Variants in CUBN observed in about 807,000 individuals in gnomAD.
CUBN encodes cubilin.
CUBN carries 282 observed loss-of-function variants against 405.3 expected under a neutral mutation model. The observed-to-expected ratio is 0.70, with a 90% CI of 0.63 to 0.77. The LOEUF is 0.77. Ranked by LOEUF, CUBN falls within the 30% of genes least tolerant of loss-of-function variation. The pLI is 0.00. For synonymous variants in CUBN, 1,684 were observed against 1,617.0 expected (o/e 1.04, Z -0.99); for missense variants, 4,514 against 4,475.2 (o/e 1.01, Z -0.25).
At chr10:17,083,516 A>AATAAATAAATAAATAAATACATACATAC (rs59957943) in intron 17 of CUBN, among the ~76,000 whole-genome samples, 54 of 142,626 alleles carry the variant, frequency 3.8e-4, no homozygotes, top group African/African-American at 1.3e-3. Flanking sequence ...AAAATAAATA[A>AATAAATAAATAAATAAATACATACATAC]ATACATACAT....
chr10:16,949,613 C>G (rs1360703730), intron 34 of CUBN, among the ~76,000 whole-genome samples: 1 of 149,098 alleles, frequency 6.7e-6, no homozygotes, highest in Non-Finnish European at 1.5e-5. Flanking sequence ...CTTTTTTTTT[C>G]GCTTCCACTA....
intron 15 of CUBN, 118 bp from the exon 16 acceptor site, chr10:17,085,877 C>T (rs1288990595): frequency 3.3e-5 from 31 of 929,282 alleles, no homozygotes; most frequent in Non-Finnish European, 5.0e-5. Flanking sequence ...AAGGAAGTTT[C>T]CCCATCACAT....
intron 66 of CUBN, 97 bp from the exon 67 acceptor site, chr10:16,825,179 CTT>C: frequency 2.5e-6 from 2 of 811,912 alleles, no homozygotes; most frequent in Non-Finnish European, 4.1e-6. Context: ...CATAAAGAAA[CTT>C]TATAGAATTT....
At chr10:16,866,276 A>G (rs570373796) in intron 59 of CUBN, among the ~76,000 whole-genome samples, 4 of 152,296 alleles carry the variant, frequency 2.6e-5, no homozygotes, top group African/African-American at 9.6e-5. Context: ...TTTGATGTGT[A>G]GTGTGACATG....
chr10:17,037,460 A>G (rs1025813978), intron 27 of CUBN, among the ~76,000 whole-genome samples: 1 of 152,256 alleles, frequency 6.6e-6, no homozygotes, highest in Non-Finnish European at 1.5e-5. Flanking sequence ...GAGATTATAA[A>G]TCTTGATATA....
rs148313915 is a variant in CUBN, at chr10:17,100,051, T to A, written c.1719A>T (p.Leu573Phe). 2.9e-5 allele frequency: 46 copies of A among 1,613,844 alleles called. No individual in the cohort carries two copies. The highest frequency in any genetic ancestry group is 8.5e-6 in the Non-Finnish European group (10 of 1,179,898). The change falls in exon 14 of 67, where the codon TTA becomes TTT. Residue 573 changes from leucine (L) to phenylalanine (F), a missense_variant. Physicochemically the swap from Leu to Phe is conservative, Grantham distance 22. Transcript: ENST00000377833. ...TTACTGTAAAGCCTCTCCCATTTCT[T>A]AAATGTTCAGAATAGAGATGAAAAT... Reference protein sequence around the residue: ...ALYFHLYSEHLRNGRGFTVRW... With the variant: ...ALYFHLYSEHFRNGRGFTVRW...
At chr10:17,087,278 A>G (rs1836131130) in intron 15 of CUBN, among the ~76,000 whole-genome samples, 1 of 152,114 alleles carries the variant, frequency 6.6e-6, no homozygotes, top group Non-Finnish European at 1.5e-5. Flanking sequence ...ACAAATGAAG[A>G]GCAACACTTT....
intron 41 of CUBN, 23 bp from the exon 42 acceptor site, chr10:16,925,797 C>G: frequency 6.2e-7 from 1 of 1,611,044 alleles, no homozygotes. Context: ...AAACAAAGGT[C>G]GGTTATTTAA....
At chr10:16,939,961 A>G in intron 37 of CUBN, 71 bp downstream of exon 37, 5 of 1,243,766 alleles carry the variant, frequency 4.0e-6, no homozygotes, top group South Asian at 2.4e-5. Flanking sequence ...TTAATATATT[A>G]CTGAGAAAAT....
chr10:16,968,875 T>C (rs1005119363), intron 31 of CUBN, among the ~76,000 whole-genome samples: 1 of 152,214 alleles, frequency 6.6e-6, no homozygotes, highest in Non-Finnish European at 1.5e-5. Context: ...TGATGTGTCA[T>C]TGAGGAGAGC....
At chr10:17,007,797 G>C (rs182708995) in intron 28 of CUBN, among the ~76,000 whole-genome samples, 3 of 152,198 alleles carry the variant, frequency 2.0e-5, no homozygotes, top group East Asian at 3.9e-4. Flanking sequence ...TTGCGGGGCT[G>C]TGCAAGGAGA....
At chr10:17,097,255 C>T (rs4747298) in intron 14 of CUBN, among the ~76,000 whole-genome samples, 90,259 of 151,758 alleles carry the variant, frequency 0.59, 28,656 homozygotes, top group Non-Finnish European at 0.72. Context: ...TGAAAAGAGA[C>T]GACATCACTA....
intron 22 of CUBN, among the ~76,000 whole-genome samples, chr10:17,060,294 T>C (rs1004565648): frequency 6.6e-6 from 1 of 151,860 alleles, no homozygotes; most frequent in Non-Finnish European, 1.5e-5. Flanking sequence ...GCTAATTTTG[T>C]ATTTTTAGTA....
chr10:17,045,266 G>A, intron 24 of CUBN, 78 bp from the exon 25 acceptor site: 1 of 1,366,648 alleles, frequency 7.3e-7, no homozygotes, highest in Non-Finnish European at 1.0e-6. Context: ...CATTAAACTG[G>A]TGCCATTCTA....
chr10:16,850,600 C>T (rs1839657306), intron 60 of CUBN, among the ~76,000 whole-genome samples: 1 of 152,056 alleles, frequency 6.6e-6, no homozygotes, highest in Admixed American at 6.6e-5. Context: ...GCCTCTGGAG[C>T]AGCTGGGACT....
At chr10:17,086,686 G>A (rs918678830) in intron 15 of CUBN, among the ~76,000 whole-genome samples, 2 of 152,056 alleles carry the variant, frequency 1.3e-5, no homozygotes, top group African/African-American at 4.8e-5. Flanking sequence ...CCACCGAGGA[G>A]TCAATGAACT....
intron 59 of CUBN, among the ~76,000 whole-genome samples, chr10:16,852,440 CCTCT>C (rs1285324040): frequency 2.0e-5 from 3 of 148,460 alleles, no homozygotes; most frequent in Non-Finnish European, 3.0e-5. Context: ...TCCATCCCTC[CCTCT>C]ATCTTTCCCT....
chr10:16,931,649 G>T (rs1463285590), intron 40 of CUBN, among the ~76,000 whole-genome samples: 1 of 152,126 alleles, frequency 6.6e-6, no homozygotes, highest in African/African-American at 2.4e-5. Flanking sequence ...TTGCTAAAAA[G>T]ATTTCATTTA....
At chr10:16,988,465 T>A (rs752765553) in intron 29 of CUBN, among the ~76,000 whole-genome samples, 1 of 152,184 alleles carries the variant, frequency 6.6e-6, no homozygotes, top group Non-Finnish European at 1.5e-5. Flanking sequence ...TCTGATTTCA[T>A]TTACAATTAC....
Sources: allele counts gnomAD v4.1 joint callset (sites outside exome capture counted in the v4.1 genomes callset), GRCh38; gene constraint gnomAD v4.1.1; transcripts MANE v1.5; gene names NCBI Gene and HGNC (gene_info 2026-07-23, HGNC 2026-07-21).